Variants in ZDHHC9 observed in about 807,000 individuals in gnomAD.
The protein encoded by ZDHHC9 is zDHHC palmitoyltransferase 9.
ZDHHC9 carries 3 observed loss-of-function variants against 26.6 expected under a neutral mutation model. The ratio of observed to expected loss-of-function variants is 0.11; its 90% CI spans 0.05 to 0.29. ZDHHC9 has a LOEUF of 0.29. ZDHHC9 is among the 10% of genes least tolerant of loss of function. The pLI is 1.00. For missense variants in ZDHHC9, 146 were observed against 296.4 expected (o/e 0.49, Z 3.73); for synonymous variants, 111 against 109.4 (o/e 1.01, Z -0.09).
chrX:129,840,256 T>C (rs1928349193), intron 3 of ZDHHC9, among the ~76,000 whole-genome samples: 1 of 97,868 alleles, frequency 1.0e-5, no homozygotes, highest in South Asian at 4.7e-4. Context: ...CATCTCTGTT[T>C]GGAATAGTTG....
chrX:129,813,136 T>C (rs752339151), intron 7 of ZDHHC9, among the ~76,000 whole-genome samples: 3 of 111,895 alleles, frequency 2.7e-5, no homozygotes, highest in Non-Finnish European at 5.7e-5. Context: ...AAAAACAAAA[T>C]TCATGTAATC....
At chrX:129,840,612 A>G (rs1272224933) in intron 3 of ZDHHC9, among the ~76,000 whole-genome samples, 1 of 111,364 alleles carries the variant, frequency 9.0e-6, no homozygotes, top group Non-Finnish European at 1.9e-5. Context: ...TAGCGGCGGC[A>G]GCAGCAAAAG....
rs772679685 is a variant in ZDHHC9, at chrX:129,814,718, G to A, written c.565C>T (p.Leu189Phe). 5 of 1,211,039 alleles carry A rather than the reference G, an allele frequency of 4.1e-6. No homozygotes were observed. The highest frequency in any genetic ancestry group is 5.6e-6 in the Non-Finnish European group (5 of 895,272). Residue 189 changes from leucine to phenylalanine, a missense_variant, in exon 6 of 11, where the codon CTT (leucine) becomes TTT (phenylalanine). By Grantham distance (22) the Leu-to-Phe change is conservative. Coordinates refer to ENST00000357166, the MANE Select transcript of ZDHHC9 (RefSeq NM_016032.4). ...RNYRYFYLFI[L>F]SLSLLTIYVF... ...TAGATTGTGAGGAGGGAGAGAGAAAGGATGAAGAGGTAGAAGTAGCGGTAG... is the reference window on the plus strand; with the variant it reads ...TAGATTGTGAGGAGGGAGAGAGAAAAGATGAAGAGGTAGAAGTAGCGGTAG...
At chrX:129,809,923 A>G (rs750490928) in intron 10 of ZDHHC9, among the ~76,000 whole-genome samples, 29 of 91,339 alleles carry the variant, frequency 3.2e-4, no homozygotes, top group African/African-American at 1.2e-3. Context: ...CGGGAGGCGG[A>G]GGTTGCAGTG....
rs1927509817 is a variant in ZDHHC9, at chrX:129,806,109, C to A, written c.*261G>T. The A allele has an allele frequency of 2.7e-6, 1 of 370,319 alleles. No homozygotes were observed. The highest frequency in any genetic ancestry group is 2.6e-5 in the African/African-American group (1 of 38,788). The allele number at this position is 370,319 out of a possible 1,213,427, so 30.5% of individuals were successfully genotyped here. A position where few individuals can be genotyped will look rare whatever the true frequency, so the allele number is the denominator to read the frequency against. ...TCCAAGGGGACCCTGTGGCTGAGGCCATGGAGAACCAGTGCCAGGGCCCAA... is the reference window on the plus strand; with the variant it reads ...TCCAAGGGGACCCTGTGGCTGAGGCAATGGAGAACCAGTGCCAGGGCCCAA... On this transcript the variant is annotated 3_prime_UTR_variant, in exon 11 of 11. Transcript: ENST00000357166.
intron 3 of ZDHHC9, among the ~76,000 whole-genome samples, chrX:129,837,982 C>T (rs1210106374): frequency 1.8e-5 from 2 of 112,414 alleles, no homozygotes; most frequent in African/African-American, 6.5e-5. Context: ...TCAGGCCAAG[C>T]TGGTAGCTAT....
chrX:129,807,338 C>T (rs1332212428), intron 10 of ZDHHC9, among the ~76,000 whole-genome samples: 1 of 106,445 alleles, frequency 9.4e-6, no homozygotes, highest in Non-Finnish European at 1.9e-5. Flanking sequence ...CCCAGCTACT[C>T]GGGAGGCTGA....
In ZDHHC9 at chrX:129,806,067, G is replaced by A; in HGVS notation, c.*303C>T. On this transcript the variant is annotated 3_prime_UTR_variant, in exon 11 of 11. Transcript: ENST00000357166. Reference sequence around the variant, plus strand: ...ACCCCAAGCAGGAGGGCTGGGATCTGGAGGGAAGAGAGGGGGTCCAAGGGG... The same window carrying A: ...ACCCCAAGCAGGAGGGCTGGGATCTAGAGGGAAGAGAGGGGGTCCAAGGGG... 3.2e-6 allele frequency: 1 copy of A among 313,446 alleles called. No homozygotes were observed. The highest frequency in any genetic ancestry group is 5.7e-6 in the Non-Finnish European group (1 of 174,191). 25.8% of individuals were successfully genotyped at this position (313,446 alleles called of 1,213,427 possible). A position where few individuals can be genotyped will look rare whatever the true frequency, so the allele number is the denominator to read the frequency against.
rs1289054539 is a variant in ZDHHC9 at position 129,824,872 on chromosome X, T to C, written c.329-1035A>G. Among the ~76,000 whole-genome samples, 26 of 111,971 alleles carry C rather than the reference T, an allele frequency of 2.3e-4. No homozygotes were observed. In the Admixed American group the frequency reaches 2.5e-3, roughly 11 times the overall value. ...AATACAATATATGGCAAAATGAAAATGTATGTTAAAAAGCAATACGCATAA... is the reference window on the plus strand; with the variant it reads ...AATACAATATATGGCAAAATGAAAACGTATGTTAAAAAGCAATACGCATAA... On this transcript the variant is annotated intron_variant, in intron 4 of 10. Coordinates refer to ENST00000357166, the MANE Select transcript of ZDHHC9 (RefSeq NM_016032.4).
intron 3 of ZDHHC9, among the ~76,000 whole-genome samples, chrX:129,835,566 T>C (rs1451323776): frequency 8.1e-5 from 9 of 111,055 alleles, no homozygotes; most frequent in Non-Finnish European, 1.7e-4. Flanking sequence ...GCGGATCACC[T>C]GAAGTCAGGA....
intron 3 of ZDHHC9, among the ~76,000 whole-genome samples, chrX:129,838,750 C>A (rs1928315357): frequency 9.0e-6 from 1 of 111,002 alleles, no homozygotes; most frequent in South Asian, 3.7e-4. Context: ...CCAGGATGGA[C>A]AACTTTTTTT....
chrX:129,839,085 C>G (rs1928321932), intron 3 of ZDHHC9, among the ~76,000 whole-genome samples: 1 of 112,186 alleles, frequency 8.9e-6, no homozygotes. Flanking sequence ...GGTAAAAATA[C>G]AGCAGCCAGA....
intron 6 of ZDHHC9, among the ~76,000 whole-genome samples, chrX:129,814,325 G>A (rs1349737834): frequency 6.3e-5 from 7 of 111,825 alleles, no homozygotes; most frequent in Non-Finnish European, 1.3e-4. Context: ...AGTTTTACAA[G>A]GCAGAAGAAG....
chrX:129,843,052 C>T (rs1449431457), intron 2 of ZDHHC9, among the ~76,000 whole-genome samples: 1 of 112,656 alleles, frequency 8.9e-6, no homozygotes, highest in Non-Finnish European at 1.9e-5. Context: ...CCTCTATTTA[C>T]CGACACCACA....
rs184471819 is a variant in ZDHHC9, at chrX:129,803,565, G to A, written c.*2805C>T. 3 of 112,391 alleles carry A rather than the reference G, an allele frequency of 2.7e-5. No homozygotes were observed. In the Admixed American group the frequency reaches 2.8e-4, roughly 11 times the overall value. 9.3% of individuals were successfully genotyped at this position (112,391 alleles called of 1,213,427 possible). ...GTGCTTTATGGGTAAAGGCAGGATG[G>A]TCAGGACAGGGAGAATGGAATTTAG... On this transcript the variant is annotated 3_prime_UTR_variant, in exon 11 of 11. Transcript: ENST00000357166.
Position 129,843,310 on chromosome X carries a change from A to G in ZDHHC9, c.-187T>C, listed in dbSNP as rs897437246. On this transcript the variant is annotated 5_prime_UTR_variant, in exon 2 of 11. Transcript: ENST00000357166. Reference sequence around the variant, plus strand: ...CCGGCCCAGCGGGAGAAGGGAGACCAGGAAGGGGGAGCCGGCCTGGAAGAA... The same window carrying G: ...CCGGCCCAGCGGGAGAAGGGAGACCGGGAAGGGGGAGCCGGCCTGGAAGAA... 5.3e-5 allele frequency: 6 copies of G among 112,610 alleles called. No homozygotes were observed. The highest frequency in any genetic ancestry group is 1.1e-4 in the Non-Finnish European group (6 of 53,079). 9.3% of individuals were successfully genotyped at this position (112,610 alleles called of 1,213,427 possible). A position where few individuals can be genotyped will look rare whatever the true frequency, so the allele number is the denominator to read the frequency against.
Position 129,805,613 on chromosome X carries a change from G to C in ZDHHC9, c.*757C>G, listed in dbSNP as rs781511905. 3.6e-5 allele frequency: 4 copies of C among 112,224 alleles called. No individual in the cohort carries two copies. Among genetic ancestry groups the C allele is most frequent in the African/African-American group, 9.8e-5 (3 of 30,768 alleles). The allele number at this position is 112,224 out of a possible 1,213,427, so 9.2% of individuals were successfully genotyped here. A position where few individuals can be genotyped will look rare whatever the true frequency, so the allele number is the denominator to read the frequency against. ...GGAGAGATGAGACAGAGAGTGTGAA[G>C]GGCTATGCCGCTGGCATCTCATAAA... On this transcript the variant is annotated 3_prime_UTR_variant, in exon 11 of 11. Transcript: ENST00000357166.
chrX:129,826,349 C>T (rs1928017031), intron 4 of ZDHHC9, among the ~76,000 whole-genome samples: 1 of 111,349 alleles, frequency 9.0e-6, no homozygotes, highest in African/African-American at 3.3e-5. Flanking sequence ...CCATCCCCCA[C>T]CCACAGCATA....
chrX:129,834,151 A>C (rs891139650), intron 3 of ZDHHC9, among the ~76,000 whole-genome samples: 9 of 111,546 alleles, frequency 8.1e-5, no homozygotes, highest in African/African-American at 2.9e-4. Flanking sequence ...TTGGCAAGGG[A>C]GAGAAGACAG....
Sources: gnomAD v4.1 joint callset for allele counts (sites outside exome capture counted in the v4.1 genomes callset) on GRCh38, gnomAD v4.1.1 for gene constraint, MANE v1.5 for transcripts, NCBI Gene and HGNC (gene_info 2026-07-23, HGNC 2026-07-21) for gene names.